XKRX: variants seen among roughly 807,000 people sequenced by gnomAD.
The protein encoded by XKRX is XK related X-linked.
A neutral mutation model predicts 22.4 loss-of-function variants in XKRX; 11 were observed. That is an observed-to-expected ratio of 0.49 (90% CI 0.31 to 0.81). The LOEUF (loss-of-function observed/expected upper bound fraction) is 0.81, where lower values mean the gene tolerates loss of function less well. Among genes scored for constraint, XKRX ranks in the 40% least tolerant of loss-of-function variants. The pLI is 0.05. For missense variants in XKRX, 320 were observed against 336.5 expected, an observed-to-expected ratio of 0.95 and a Z score of 0.38; for synonymous variants, 114 against 132.2, an observed-to-expected ratio of 0.86 and a Z score of 0.94.
At chrX:100,892,030 C>G in the XKRX span, among the ~76,000 whole-genome samples, 1 of 111,234 alleles carries the variant, frequency 9.0e-6, no homozygotes, top group African/African-American at 3.3e-5. Context: ...CAAAACTAGA[C>G]AAATAGAATT....
chrX:100,932,752 G>T (rs184196576), upstream of XKRX, among the ~76,000 whole-genome samples: 1 of 112,674 alleles, frequency 8.9e-6, no homozygotes, highest in Admixed American at 9.4e-5. Flanking sequence ...GTGGCTGACA[G>T]TCCAGTCACA....
At chrX:100,911,154 T>C (rs2085405705), downstream of XKRX, 1 of 582,262 alleles carries the variant, frequency 1.7e-6, no homozygotes, top group Non-Finnish European at 3.1e-6. Flanking sequence ...TGGAAGAGGA[T>C]GGTTACTAAA....
rs766825531 is a variant in XKRX, at chrX:100,914,135, C to T, written c.*203G>A. On this transcript the variant is annotated 3_prime_UTR_variant, in exon 3 of 3. Coordinates refer to ENST00000372956, the MANE Select transcript of XKRX (RefSeq NM_212559.3). Reference sequence around the variant, plus strand: ...TTTCTGACCCTTTCAACTATATAGTCGATACCCCCTGTTTCCAAACATAGT... The same window carrying T: ...TTTCTGACCCTTTCAACTATATAGTTGATACCCCCTGTTTCCAAACATAGT... 3.4e-5 allele frequency: 16 copies of T among 470,675 alleles called. No individual in the cohort carries two copies. The highest frequency in any genetic ancestry group is 4.8e-5 in the African/African-American group (2 of 41,764). 38.8% of individuals were successfully genotyped at this position (470,675 alleles called of 1,213,427 possible). A position where few individuals can be genotyped will look rare whatever the true frequency, so the allele number is the denominator to read the frequency against.
chrX:100,917,140 A>G (rs2085440301), intron 2 of XKRX, among the ~76,000 whole-genome samples: 1 of 109,321 alleles, frequency 9.1e-6, no homozygotes. Context: ...AAAAAAAATT[A>G]GCCAGGCATG....
chrX:100,893,665 A>C, the XKRX span, among the ~76,000 whole-genome samples: 1 of 112,201 alleles, frequency 8.9e-6, no homozygotes, highest in Non-Finnish European at 1.9e-5. Flanking sequence ...ATTTGCAGCA[A>C]CATGGATGCA....
chrX:100,953,657 C>T, the XKRX span, among the ~76,000 whole-genome samples: 1 of 110,543 alleles, frequency 9.0e-6, no homozygotes, highest in Non-Finnish European at 1.9e-5. Context: ...GTCTGTAATC[C>T]CAGCACTTTG....
At chrX:100,933,614 C>T (rs2085527834), upstream of XKRX, among the ~76,000 whole-genome samples, 1 of 111,447 alleles carries the variant, frequency 9.0e-6, no homozygotes, top group South Asian at 3.8e-4. Flanking sequence ...TCAGTATCAT[C>T]CATAGCTGGG....
chrX:100,949,731 C>G, the XKRX span, among the ~76,000 whole-genome samples: 2 of 111,443 alleles, frequency 1.8e-5, no homozygotes, highest in Non-Finnish European at 3.8e-5. Flanking sequence ...TAGAAAATCA[C>G]TTATACCAAG....
the XKRX span, among the ~76,000 whole-genome samples, chrX:100,907,107 C>T: frequency 8.9e-6 from 1 of 111,973 alleles, no homozygotes; most frequent in Admixed American, 9.5e-5. Context: ...TTATTCTTCC[C>T]GTCTTACTCT....
At chrX:100,906,849 T>C in the XKRX span, among the ~76,000 whole-genome samples, 1 of 111,727 alleles carries the variant, frequency 9.0e-6, no homozygotes, top group African/African-American at 3.3e-5. Flanking sequence ...CATTCCTTGG[T>C]TCGTGGCCTC....
chrX:100,907,829 T>C, the XKRX span, among the ~76,000 whole-genome samples: 1 of 111,712 alleles, frequency 9.0e-6, no homozygotes, highest in African/African-American at 3.3e-5. Flanking sequence ...CAATAATGTG[T>C]GAGAGTAACT....
chrX:100,936,204 C>G, the XKRX span, among the ~76,000 whole-genome samples: 1 of 111,111 alleles, frequency 9.0e-6, no homozygotes, highest in South Asian at 3.8e-4. Flanking sequence ...CACAATACAG[C>G]ATGATAAAGG....
At chrX:100,906,771 T>C in the XKRX span, among the ~76,000 whole-genome samples, 1 of 111,474 alleles carries the variant, frequency 9.0e-6, no homozygotes, top group African/African-American at 3.3e-5. Context: ...AGAAGGGCCA[T>C]GTTCCTTTTG....
the XKRX span, among the ~76,000 whole-genome samples, chrX:100,907,346 C>T: frequency 9.0e-6 from 1 of 111,159 alleles, no homozygotes; most frequent in Non-Finnish European, 1.9e-5. Context: ...CAGGTACACA[C>T]CACCATGCCT....
At chrX:100,922,556 A>T (rs2085478152) in intron 2 of XKRX, among the ~76,000 whole-genome samples, 1 of 112,475 alleles carries the variant, frequency 8.9e-6, no homozygotes, top group African/African-American at 3.2e-5. Flanking sequence ...GTCCGATAGA[A>T]CTTTCTGTGA....
At chrX:100,900,749 C>T in the XKRX span, among the ~76,000 whole-genome samples, 1 of 108,282 alleles carries the variant, frequency 9.2e-6, no homozygotes, top group South Asian at 4.1e-4. Context: ...GAATGTAGGA[C>T]CTCTGGCCCC....
the XKRX span, among the ~76,000 whole-genome samples, chrX:100,952,443 G>C: frequency 1.8e-5 from 2 of 109,811 alleles, no homozygotes; most frequent in African/African-American, 6.6e-5. Flanking sequence ...CCAAAGATCA[G>C]AAAAAAAGGC....
chrX:100,896,129 A>G, the XKRX span, among the ~76,000 whole-genome samples: 2 of 111,753 alleles, frequency 1.8e-5, no homozygotes, highest in East Asian at 2.8e-4. Flanking sequence ...CTGTGGAAAG[A>G]TATAAAAAGA....
intron 1 of XKRX, among the ~76,000 whole-genome samples, chrX:100,926,135 T>C (rs1351377513): frequency 8.9e-6 from 1 of 111,988 alleles, no homozygotes; most frequent in African/African-American, 3.2e-5. Context: ...TACTGTTTTT[T>C]CTTATACTAG....
Sources: gnomAD v4.1 joint callset for allele counts (sites outside exome capture counted in the v4.1 genomes callset) on GRCh38, gnomAD v4.1.1 for gene constraint, MANE v1.5 for transcripts, NCBI Gene and HGNC (gene_info 2026-07-23, HGNC 2026-07-21) for gene names.